Variants in GRIK4 observed in about 807,000 individuals in gnomAD.
GRIK4 encodes the protein glutamate ionotropic receptor kainate type subunit 4.
A neutral mutation model predicts 104.9 loss-of-function variants in GRIK4; 40 were observed. That is an observed-to-expected ratio of 0.38 (90% CI 0.30 to 0.50). The LOEUF is 0.50. Ranked by LOEUF, GRIK4 falls within the 20% of genes least tolerant of loss-of-function variation. The pLI, the probability that GRIK4 is intolerant of heterozygous loss-of-function variation, is 0.93. For missense variants in GRIK4, 1,047 were observed against 1,308.1 expected (o/e 0.80, Z 3.08); for synonymous variants, 485 against 524.9 (o/e 0.92, Z 1.04).
chr11:120,600,396 A>G (rs1206834043), intron 1 of GRIK4, among the ~76,000 whole-genome samples: 5 of 152,166 alleles, frequency 3.3e-5, no homozygotes, highest in African/African-American at 1.2e-4. Flanking sequence ...ACAAATGTCA[A>G]ATCAGCTTTG....
chr11:120,571,687 C>T (rs1948402091), intron 1 of GRIK4, among the ~76,000 whole-genome samples: 1 of 152,152 alleles, frequency 6.6e-6, no homozygotes, highest in African/African-American at 2.4e-5. Flanking sequence ...CCCCTCATCT[C>T]TCCTCTTCTT....
chr11:120,862,716 C>T (rs774866843), intron 9 of GRIK4, among the ~76,000 whole-genome samples: 10 of 152,196 alleles, frequency 6.6e-5, no homozygotes, highest in South Asian at 4.2e-4. Context: ...GCATGTGTGA[C>T]GGGAGCAAAC....
intron 13 of GRIK4, among the ~76,000 whole-genome samples, chr11:120,931,818 T>G (rs1173696562): frequency 6.6e-6 from 1 of 152,194 alleles, no homozygotes; most frequent in Non-Finnish European, 1.5e-5. Flanking sequence ...CTTCAGGACC[T>G]TCTGATTGCT....
intron 16 of GRIK4, among the ~76,000 whole-genome samples, chr11:120,958,971 A>AGGGATACCTG (rs1279376043): frequency 6.6e-6 from 1 of 152,172 alleles, no homozygotes. Context: ...TTGGGCATGG[A>AGGGATACCTG]GGGATACCTG....
intron 1 of GRIK4, among the ~76,000 whole-genome samples, chr11:120,610,843 T>C (rs1029602417): frequency 2.6e-5 from 4 of 152,192 alleles, no homozygotes; most frequent in Non-Finnish European, 4.4e-5. Flanking sequence ...CTACAGGTTA[T>C]GCCTAGTGAG....
intron 3 of GRIK4, among the ~76,000 whole-genome samples, chr11:120,740,934 A>G (rs1951316944): frequency 6.6e-6 from 1 of 152,100 alleles, no homozygotes; most frequent in African/African-American, 2.4e-5. Flanking sequence ...GACTGCACTG[A>G]GTGTCCAACC....
At chr11:120,538,850 A>G (rs1948004391) in intron 1 of GRIK4, among the ~76,000 whole-genome samples, 1 of 152,184 alleles carries the variant, frequency 6.6e-6, no homozygotes, top group African/African-American at 2.4e-5. Flanking sequence ...CTCTAACTGT[A>G]TTTCAGGAAT....
At chr11:120,841,720 C>T (rs935072760) in intron 8 of GRIK4, among the ~76,000 whole-genome samples, 1 of 152,180 alleles carries the variant, frequency 6.6e-6, no homozygotes, top group African/African-American at 2.4e-5. Context: ...CACCATTTTT[C>T]GTTCCTGTCA....
intron 3 of GRIK4, among the ~76,000 whole-genome samples, chr11:120,665,210 A>G (rs186858895): frequency 1.3e-5 from 2 of 152,244 alleles, no homozygotes; most frequent in East Asian, 3.9e-4. Context: ...ATTCAAATAT[A>G]CCAGCTGAAT....
intron 8 of GRIK4, chr11:120,859,309 A>T (rs1201426431): frequency 2.0e-5 from 3 of 152,162 alleles, no homozygotes; most frequent in Admixed American, 2.0e-4. Flanking sequence ...AAGGTTGCTA[A>T]TATTGTTTCT....
intron 3 of GRIK4, among the ~76,000 whole-genome samples, chr11:120,700,023 T>G (rs1411803539): frequency 1.3e-5 from 2 of 152,176 alleles, no homozygotes; most frequent in Non-Finnish European, 2.9e-5. Flanking sequence ...GAAATAAACT[T>G]TATTGTGTAT....
intron 1 of GRIK4, among the ~76,000 whole-genome samples, chr11:120,652,718 T>TG (rs551204556): frequency 8.6e-4 from 131 of 152,162 alleles, no homozygotes; most frequent in Non-Finnish European, 1.4e-3. Context: ...CCTCTACCCT[T>TG]CCTGCCGCCC....
chr11:120,560,517 T>C (rs1218931771), intron 1 of GRIK4, among the ~76,000 whole-genome samples: 1 of 152,190 alleles, frequency 6.6e-6, no homozygotes, highest in East Asian at 1.9e-4. Context: ...CTGAATATAG[T>C]ATGTATATGT....
At chr11:120,714,248 C>T (rs1366978760) in intron 3 of GRIK4, among the ~76,000 whole-genome samples, 1 of 152,220 alleles carries the variant, frequency 6.6e-6, no homozygotes, top group Non-Finnish European at 1.5e-5. Flanking sequence ...CTCATTGTGA[C>T]TTACAATCCA....
chr11:120,610,780 G>A (rs756236839), intron 1 of GRIK4, among the ~76,000 whole-genome samples: 7 of 152,196 alleles, frequency 4.6e-5, no homozygotes, highest in Non-Finnish European at 1.0e-4. Flanking sequence ...GGAACTCTGG[G>A]ATTTGCCCAT....
intron 1 of GRIK4, among the ~76,000 whole-genome samples, chr11:120,565,779 T>C (rs1244318657): frequency 6.6e-6 from 1 of 152,224 alleles, no homozygotes; most frequent in Admixed American, 6.5e-5. Context: ...TTTCCACTTA[T>C]AATTCAGAGG....
intron 1 of GRIK4, among the ~76,000 whole-genome samples, chr11:120,531,790 G>A (rs1406005480): frequency 6.6e-6 from 1 of 152,028 alleles, no homozygotes; most frequent in Non-Finnish European, 1.5e-5. Context: ...TGGCCAGGCT[G>A]GTCTCGGACT....
chr11:120,636,851 AAAGG>A (rs932174410), intron 1 of GRIK4, among the ~76,000 whole-genome samples: 43 of 151,274 alleles, frequency 2.8e-4, no homozygotes, highest in African/African-American at 1.0e-3. Flanking sequence ...AAAAAAAAAG[AAAGG>A]AAGGAAGAGT....
intron 1 of GRIK4, among the ~76,000 whole-genome samples, chr11:120,629,913 C>T (rs557935383): frequency 9.2e-5 from 14 of 152,314 alleles, no homozygotes; most frequent in Middle Eastern, 3.4e-3. Flanking sequence ...TCCCAGCTGT[C>T]CTAGTGCTAA....
Sources: allele counts gnomAD v4.1 joint callset (sites outside exome capture counted in the v4.1 genomes callset), GRCh38; gene constraint gnomAD v4.1.1; transcripts MANE v1.5; gene names NCBI Gene and HGNC (gene_info 2026-07-23, HGNC 2026-07-21).